The following ACTR3B variants were observed in gnomAD, a reference collection of about 807,000 sequenced individuals.
The protein encoded by ACTR3B is actin-related protein 3B.
In ACTR3B, 8 loss-of-function variants were observed where a neutral mutation model predicts 59.0. That is an observed-to-expected ratio of 0.14 (90% CI 0.08 to 0.24). ACTR3B has a LOEUF of 0.24. Among genes scored for constraint, ACTR3B ranks in the 10% least tolerant of loss-of-function variants. ACTR3B has a pLI of 1.00. For missense variants in ACTR3B, 245 were observed against 552.3 expected (o/e 0.44, Z 5.58); for synonymous variants, 148 against 197.9 (o/e 0.75, Z 2.12).
Position 152,759,774 on chromosome 7 carries a change from C to T in ACTR3B, c.-109C>T, listed in dbSNP as rs191443295. The T allele has an allele frequency of 4.6e-3, 4,105 of 892,056 alleles. 171 individuals are homozygous for T. The African/African-American group carries it at 0.067, about 15-fold the overall frequency. 55.3% of individuals were successfully genotyped at this position (892,056 alleles called of 1,614,324 possible). ...AGCATCCGGGCTCCCGGCAGCGGCG[C>T]TGCGGCGGCTCGCGGGAGACGCTGC... On this transcript the variant is annotated 5_prime_UTR_variant, in exon 1 of 12. Coordinates refer to ENST00000256001, the MANE Select transcript of ACTR3B (RefSeq NM_020445.6).
rs1563062081 is a variant in ACTR3B, at chr7:152,759,849, C to T, written c.-34C>T. 1.6e-6 allele frequency: 2 copies of T among 1,248,548 alleles called. No individual in the cohort carries two copies. Among genetic ancestry groups the T allele is most frequent in the Non-Finnish European group, 2.0e-6 (2 of 993,494 alleles). 77.3% of individuals were successfully genotyped at this position (1,248,548 alleles called of 1,614,324 possible). A position where few individuals can be genotyped will look rare whatever the true frequency, so the allele number is the denominator to read the frequency against. ...CGGACGGCGACGGGGCGCTCTCGGG[C>T]TGCCGGCGGGGCCGAGCGCCGCGCG... On this transcript the variant is annotated 5_prime_UTR_variant, in exon 1 of 12. Coordinates refer to ENST00000256001, the MANE Select transcript of ACTR3B (RefSeq NM_020445.6).
chr7:152,849,929 A>C (rs1022863548), intron 9 of ACTR3B, among the ~76,000 whole-genome samples: 4 of 152,188 alleles, frequency 2.6e-5, no homozygotes, highest in Non-Finnish European at 2.9e-5. Flanking sequence ...GTGGAAGACC[A>C]GGTCACTGGT....
chr7:152,825,660 T>C (rs1796512773), intron 9 of ACTR3B, among the ~76,000 whole-genome samples: 1 of 152,182 alleles, frequency 6.6e-6, no homozygotes, highest in Non-Finnish European at 1.5e-5. Context: ...TATTATTATC[T>C]GACAAGATAT....
Position 152,781,911 on chromosome 7 carries a change from C to T in ACTR3B, c.45-1276C>T, listed in dbSNP as rs142044706. Among the ~76,000 whole-genome samples, 1,349 of 151,998 alleles carry T rather than the reference C, an allele frequency of 8.9e-3. 15 individuals carry two copies. Among genetic ancestry groups the T allele is most frequent in the East Asian group, 0.032 (164 of 5,132 alleles). ...AGAGGGCTTCACCTGGGTCTTGCCT[C>T]CAGAAGCTCCTTGTAGGCCTGAGGA... On this transcript the variant is annotated intron_variant, in intron 1 of 11. Transcript: ENST00000256001.
intron 9 of ACTR3B, among the ~76,000 whole-genome samples, chr7:152,836,670 C>T (rs1009257105): frequency 3.3e-5 from 5 of 151,204 alleles, no homozygotes; most frequent in Non-Finnish European, 1.5e-5. Context: ...ACTTTGAAAA[C>T]AGTATTAGAT....
At chr7:152,811,187 T>C (rs1164736749) in intron 4 of ACTR3B, 1 of 148,750 alleles carries the variant, frequency 6.7e-6, no homozygotes, top group Non-Finnish European at 1.5e-5. Context: ...TTTTTGTTTT[T>C]AACTGAGAGA....
chr7:152,814,670 C>G (rs1189981446), intron 5 of ACTR3B, 25 bp downstream of exon 5: 1 of 1,582,114 alleles, frequency 6.3e-7, no homozygotes, highest in Non-Finnish European at 8.7e-7. Context: ...GTTTGTGATT[C>G]CTAAAGCACC....
At chr7:152,793,852 A>C (rs568411898) in intron 2 of ACTR3B, among the ~76,000 whole-genome samples, 1 of 151,388 alleles carries the variant, frequency 6.6e-6, no homozygotes, top group East Asian at 2.0e-4. Context: ...GGGAATGGGG[A>C]TACCACTTCA....
At chr7:152,826,413 A>AT (rs1184093469) in intron 9 of ACTR3B, among the ~76,000 whole-genome samples, 1 of 151,662 alleles carries the variant, frequency 6.6e-6, no homozygotes, top group Non-Finnish European at 1.5e-5. Context: ...TACTGTTAAG[A>AT]TTTTTTTATA....
At chr7:152,788,827 G>C (rs1397066002) in intron 2 of ACTR3B, among the ~76,000 whole-genome samples, 1 of 152,088 alleles carries the variant, frequency 6.6e-6, no homozygotes, top group South Asian at 2.1e-4. Flanking sequence ...TTAGAGACCA[G>C]CCCAGCCAAC....
chr7:152,830,989 A>C (rs950973469), intron 9 of ACTR3B, among the ~76,000 whole-genome samples: 3 of 152,172 alleles, frequency 2.0e-5, no homozygotes, highest in African/African-American at 7.2e-5. Flanking sequence ...GTTGAAGTGT[A>C]ATATTTGAAC....
chr7:152,775,190 CAAAA>C (rs67260503), intron 1 of ACTR3B, among the ~76,000 whole-genome samples: 4 of 42,594 alleles, frequency 9.4e-5, no homozygotes, highest in East Asian at 6.1e-4. Context: ...AACCCTGTCT[CAAAA>C]AAAAAAAAAA....
In ACTR3B at chr7:152,761,652, CTT is replaced by C. The variant is rs1355167038; in HGVS notation, c.44+1727_44+1728del. 2.8e-3 allele frequency among the ~76,000 whole-genome samples: 431 copies of C among 152,262 alleles called. 3 individuals are homozygous for C. The highest frequency in any genetic ancestry group is 9.9e-3 in the African/African-American group (412 of 41,530). ...CATGCTTCAGAAGTTGGTGTCAAGA[CTT>C]AGAAACGGTGGCAGGGAATCTCCAT... On this transcript the variant is annotated intron_variant, in intron 1 of 11. Coordinates refer to ENST00000256001, the MANE Select transcript of ACTR3B (RefSeq NM_020445.6).
intron 4 of ACTR3B, among the ~76,000 whole-genome samples, chr7:152,803,894 A>G (rs1157429984): frequency 1.3e-5 from 2 of 152,214 alleles, no homozygotes; most frequent in African/African-American, 4.8e-5. Flanking sequence ...AGTGATGAGA[A>G]TGGTAAATTT....
chr7:152,771,872 G>C (rs1265662808), intron 1 of ACTR3B, among the ~76,000 whole-genome samples: 1 of 151,964 alleles, frequency 6.6e-6, no homozygotes, highest in East Asian at 1.9e-4. Flanking sequence ...GGTCAGACCA[G>C]CTGACCAACA....
At position 152,759,821 on chromosome 7, in the gene ACTR3B, G is replaced by A; in HGVS notation, c.-62G>A. Reference sequence around the variant, plus strand: ...CTGCGCGCGGGGCTAGCGGGCGGCGGAGCGGACGGCGACGGGGCGCTCTCG... The same window carrying A: ...CTGCGCGCGGGGCTAGCGGGCGGCGAAGCGGACGGCGACGGGGCGCTCTCG... On this transcript the variant is annotated 5_prime_UTR_variant, in exon 1 of 12. Coordinates refer to ENST00000256001, the MANE Select transcript of ACTR3B (RefSeq NM_020445.6). 8.5e-7 allele frequency: 1 copy of A among 1,171,816 alleles called. No individual in the cohort carries two copies. The allele number at this position is 1,171,816 out of a possible 1,614,324, so 72.6% of individuals were successfully genotyped here. A position where few individuals can be genotyped will look rare whatever the true frequency, so the allele number is the denominator to read the frequency against.
intron 9 of ACTR3B, among the ~76,000 whole-genome samples, chr7:152,841,355 A>AT (rs1312851718): frequency 7.7e-6 from 1 of 129,890 alleles, no homozygotes; most frequent in Non-Finnish European, 1.7e-5. Flanking sequence ...GAAAGAGGAC[A>AT]TTTGCCAGTG....
intron 1 of ACTR3B, among the ~76,000 whole-genome samples, chr7:152,781,066 G>A (rs1324246329): frequency 6.6e-5 from 10 of 151,940 alleles, no homozygotes; most frequent in Non-Finnish European, 1.2e-4. Flanking sequence ...TGAACTCAGT[G>A]TGGTGCCAAA....
At chr7:152,790,448 A>C (rs984889802) in intron 2 of ACTR3B, among the ~76,000 whole-genome samples, 1 of 152,020 alleles carries the variant, frequency 6.6e-6, no homozygotes, top group Non-Finnish European at 1.5e-5. Context: ...CTCCCAGAGC[A>C]CTGGGATTAC....
Sources: gnomAD v4.1 joint callset for allele counts (sites outside exome capture counted in the v4.1 genomes callset) on GRCh38, gnomAD v4.1.1 for gene constraint, MANE v1.5 for transcripts, NCBI Gene and HGNC (gene_info 2026-07-23, HGNC 2026-07-21) for gene names.